AHRR: variants seen among roughly 807,000 people sequenced by gnomAD.
AHRR encodes the protein ahR repressor.
A neutral mutation model predicts 44.0 loss-of-function variants in AHRR; 28 were observed. The ratio of observed to expected loss-of-function variants is 0.64; its 90% confidence interval spans 0.47 to 0.87. The LOEUF is 0.87. Ranked by LOEUF, AHRR falls within the 40% of genes least tolerant of loss-of-function variation. AHRR has a pLI of 0.00. For missense variants in AHRR, 990 were observed against 953.9 expected, an observed-to-expected ratio of 1.04 and a Z score of -0.50; for synonymous variants, 434 against 407.0, an observed-to-expected ratio of 1.07 and a Z score of -0.80.
At chr5:341,766 C>A (rs1742358765) in intron 1 of AHRR, among the ~76,000 whole-genome samples, 1 of 151,998 alleles carries the variant, frequency 6.6e-6, no homozygotes, top group South Asian at 2.1e-4. Flanking sequence ...TTGGGTTTAT[C>A]TTCTCTTCTA....
chr5:417,603 A>C (rs974054006), intron 5 of AHRR, among the ~76,000 whole-genome samples: 4 of 152,156 alleles, frequency 2.6e-5, no homozygotes, highest in South Asian at 2.1e-4. Flanking sequence ...CGATGGTCTC[A>C]CCCCAGGGTT....
chr5:325,508 G>A (rs1388677231), intron 1 of AHRR, among the ~76,000 whole-genome samples: 1 of 152,172 alleles, frequency 6.6e-6, no homozygotes. Flanking sequence ...CAGCCACCAA[G>A]TGCCCAACCT....
rs369507895 is a variant in AHRR at position 347,979 on chromosome 5, G to C, written c.62+4015G>C. Among the ~76,000 whole-genome samples, 215 of 152,336 alleles carry C rather than the reference G, an allele frequency of 1.4e-3. 3 individuals carry two copies. In the South Asian group the frequency reaches 0.042, roughly 30 times the overall value. On this transcript the variant is annotated intron_variant, in intron 2 of 10. Transcript: ENST00000684583. ...CTGTGTGTGCCCTAAATTTTGTCTG[G>C]AAGGGGTGGCTGGTAAAGGCTGTGG... is the stretch of plus-strand genomic sequence containing the variant.
chr5:330,514 CAGGTGCACACCACCAT>C (rs1741872100), intron 1 of AHRR, among the ~76,000 whole-genome samples: 1 of 152,088 alleles, frequency 6.6e-6, no homozygotes, highest in Non-Finnish European at 1.5e-5. Flanking sequence ...GCTAGGCTTA[CAGGTGCACACCACCAT>C]GCCCTGATAA....
Position 326,439 on chromosome 5 carries a change from A to C in AHRR, c.-11+4620A>C. The stretch of plus-strand genomic sequence containing the variant: ...AGGGCTTCCTTCCTTTTCATGGCTG[A>C]ATAATATTTCATCTTATGAAGATAC... On this transcript the variant is annotated intron_variant, in intron 1 of 10. Coordinates refer to ENST00000684583, the MANE Select transcript of AHRR (RefSeq NM_001377236.1). The surrounding 1 kb of genome is among the most constrained non-coding windows in gnomAD (Gnocchi z 4.1). Among the ~76,000 whole-genome samples, 1 of 152,244 alleles carries C rather than the reference A, an allele frequency of 6.6e-6. No homozygotes were observed. Among genetic ancestry groups the C allele is most frequent in the East Asian group, 1.9e-4 (1 of 5,204 alleles).
At chr5:369,535 G>A (rs953899894) in intron 3 of AHRR, among the ~76,000 whole-genome samples, 20 of 152,338 alleles carry the variant, frequency 1.3e-4, no homozygotes, top group Admixed American at 4.6e-4. Context: ...GCACGAGCCC[G>A]GGCTCCCTCT....
chr5:343,491 C>CACATACCTTCTCGGGG (rs1560883325), intron 1 of AHRR: 14 of 240,402 alleles, frequency 5.8e-5, no homozygotes, highest in African/African-American at 2.8e-4. Context: ...CACGGGATCC[C>CACATACCTTCTCGGGG]GCGTGACGAG....
chr5:340,684 A>T lies in AHRR; in HGVS notation c.-10-3209A>T, dbSNP rs1285216687. ...CAATATTATATATATATATATATAT[A>T]TATATTTTTTTTTTTTTTTTTTTTT... On this transcript the variant is annotated intron_variant, in intron 1 of 10. Coordinates refer to ENST00000684583, the MANE Select transcript of AHRR (RefSeq NM_001377236.1). 3.9e-3 allele frequency among the ~76,000 whole-genome samples: 101 copies of T among 26,110 alleles called. 2 individuals are homozygous for T. Among genetic ancestry groups the T allele is most frequent in the East Asian group, 0.015 (29 of 1,954 alleles). The allele number at this position is 26,110 out of a possible 152,430, so 17.1% of individuals were successfully genotyped here.
In AHRR at chr5:376,724, C is replaced by A; in HGVS notation, c.351+8C>A. 1 of 1,598,864 alleles carries A rather than the reference C, an allele frequency of 6.3e-7. No homozygotes were observed. Among genetic ancestry groups the A allele is most frequent in the Non-Finnish European group, 8.5e-7 (1 of 1,172,516 alleles). On this transcript the variant is annotated splice_region_variant and intron_variant, in intron 4 of 10. Transcript: ENST00000684583. ...GGAAGGCTGCTGTTGGAGGTGAGTG[C>A]CACCCTTGGTACCTCGAACACTTGA...
intron 1 of AHRR, among the ~76,000 whole-genome samples, chr5:336,293 C>T (rs1291959813): frequency 6.6e-6 from 1 of 152,188 alleles, no homozygotes; most frequent in Admixed American, 6.5e-5. Context: ...GGCCACACAT[C>T]CTGCCTGTTT....
intron 4 of AHRR, among the ~76,000 whole-genome samples, chr5:393,082 G>C (rs1734543881): frequency 1.3e-5 from 2 of 152,110 alleles, no homozygotes; most frequent in African/African-American, 4.8e-5. Flanking sequence ...CCCTCTGTTA[G>C]ATAAATTGAG....
chr5:368,363 G>T (rs138120247), intron 3 of AHRR, among the ~76,000 whole-genome samples: 44 of 152,238 alleles, frequency 2.9e-4, no homozygotes, highest in African/African-American at 1.0e-3. Context: ...AGTGTTGACC[G>T]CTCACTCATC....
intron 4 of AHRR, among the ~76,000 whole-genome samples, chr5:379,390 C>T (rs1733886553): frequency 1.3e-5 from 2 of 152,174 alleles, no homozygotes; most frequent in African/African-American, 2.4e-5. Flanking sequence ...AGTCAATAGA[C>T]GTTCACATAC....
intron 4 of AHRR, among the ~76,000 whole-genome samples, chr5:382,414 T>C (rs988062094): frequency 6.6e-6 from 1 of 152,244 alleles, no homozygotes; most frequent in East Asian, 1.9e-4. Context: ...TCATTTCATC[T>C]ACTTTATTGA....
In AHRR at chr5:434,300, G is replaced by A; in HGVS notation, c.1560G>A (p.Gly520=). ...MKLQGVPMPP[G]DLCGPTLLLD... is the part of the protein sequence containing the mutation. ...TGCAAGGTGTACCGATGCCTCCGGGGGACCTGTGTGGTCCGACGCTGCTGC... is the reference window on the plus strand; with the variant it reads ...TGCAAGGTGTACCGATGCCTCCGGGAGACCTGTGTGGTCCGACGCTGCTGC... The change falls in exon 11 of 11, where the codon GGG becomes GGA. Residue 520 remains glycine (G), a synonymous_variant. Coordinates refer to ENST00000684583, the MANE Select transcript of AHRR (RefSeq NM_001377236.1). 1 of 1,609,672 alleles carries A rather than the reference G, an allele frequency of 6.2e-7. No homozygotes were observed. The highest frequency in any genetic ancestry group is 8.5e-7 in the Non-Finnish European group (1 of 1,177,838).
Position 404,632 on chromosome 5 carries a change from C to G in AHRR, c.352-8712C>G, listed in dbSNP as rs528290603. ...AAAAACTGTCATAAAAATTCACTCT[C>G]TTGGTTGAGTCAGTAATACGAGGGA... On this transcript the variant is annotated intron_variant, in intron 4 of 10. Transcript: ENST00000684583. This position sits in a 1 kb window ranked among gnomAD's most constrained non-coding sequence, Gnocchi z 4.1. The G allele has an allele frequency of 2.8e-5, 6 of 215,702 alleles. 1 individual carries two copies. In the South Asian group the frequency reaches 4.5e-4, roughly 16 times the overall value. The allele number at this position is 215,702 out of a possible 1,614,324, so 13.4% of individuals were successfully genotyped here. A position where few individuals can be genotyped will look rare whatever the true frequency, so the allele number is the denominator to read the frequency against.
chr5:386,698 T>G (rs1220515560), intron 4 of AHRR, among the ~76,000 whole-genome samples: 1 of 152,206 alleles, frequency 6.6e-6, no homozygotes, highest in Non-Finnish European at 1.5e-5. Flanking sequence ...AATGTGTTTG[T>G]GTTGTTGGAA....
In AHRR at chr5:413,331, T is replaced by C; in HGVS notation, c.352-13T>C. On this transcript the variant is annotated splice_polypyrimidine_tract_variant and intron_variant, in intron 4 of 10. Coordinates refer to ENST00000684583, the MANE Select transcript of AHRR (RefSeq NM_001377236.1). ...CAATTCGATTTTTTTTTTTGTTTTG[T>C]TTTTTCTTCTAGTCTCTTAATGGCT... 1 of 1,574,176 alleles carries C rather than the reference T, an allele frequency of 6.4e-7. No individual in the cohort carries two copies.
rs956366913 is a variant in AHRR, at chr5:435,925, C to G, written c.*1091C>G. ...AGTGAAGGTCACCAATCCACCAACC[C>G]GAGAACCTACAGCTGATGGTGCATT... On this transcript the variant is annotated 3_prime_UTR_variant, in exon 11 of 11. Coordinates refer to ENST00000684583, the MANE Select transcript of AHRR (RefSeq NM_001377236.1). 1 of 152,784 alleles carries G rather than the reference C, an allele frequency of 6.5e-6. No homozygotes were observed. Among genetic ancestry groups the G allele is most frequent in the Non-Finnish European group, 1.5e-5 (1 of 68,066 alleles). 9.5% of individuals were successfully genotyped at this position (152,784 alleles called of 1,614,324 possible). A position where few individuals can be genotyped will look rare whatever the true frequency, so the allele number is the denominator to read the frequency against.
Sources: gnomAD v4.1 joint callset for allele counts (sites outside exome capture counted in the v4.1 genomes callset) on GRCh38, gnomAD v4.1.1 for gene constraint, Gnocchi (gnomAD v3.1) non-coding constraint, MANE v1.5 for transcripts, NCBI Gene and HGNC (gene_info 2026-07-23, HGNC 2026-07-21) for gene names.